LOC128125817: variants seen among roughly 807,000 people sequenced by gnomAD.
At chr1:41,593,241 C>T in the LOC128125817 span, among the ~76,000 whole-genome samples, 1 of 152,226 alleles carries the variant, frequency 6.6e-6, no homozygotes, top group African/African-American at 2.4e-5. Context: ...CATGCCCCTC[C>T]CCAGAGAAGC....
At chr1:41,608,917 C>CAAAA in the LOC128125817 span, among the ~76,000 whole-genome samples, 12,457 of 123,232 alleles carry the variant, frequency 0.1, 937 homozygotes, top group East Asian at 0.39. Context: ...CTAAAAATAC[C>CAAAA]AAAAAAAAAA....
chr1:41,608,050 G>A, the LOC128125817 span, among the ~76,000 whole-genome samples: 2 of 152,212 alleles, frequency 1.3e-5, no homozygotes, highest in Admixed American at 6.5e-5. Flanking sequence ...CTGAGTGGCT[G>A]TGTGCCCTGC....
the LOC128125817 span, among the ~76,000 whole-genome samples, chr1:41,612,077 C>T: frequency 6.6e-6 from 1 of 152,066 alleles, no homozygotes; most frequent in Non-Finnish European, 1.5e-5. Context: ...GCCTCCCCAC[C>T]TTCCTCCTCC....
the LOC128125817 span, among the ~76,000 whole-genome samples, chr1:41,608,528 T>C: frequency 1.3e-5 from 2 of 152,198 alleles, no homozygotes; most frequent in African/African-American, 2.4e-5. Flanking sequence ...TCTGAAGGGC[T>C]CTCAGGGGAG....
chr1:41,607,649 C>T, the LOC128125817 span, among the ~76,000 whole-genome samples: 1 of 151,234 alleles, frequency 6.6e-6, no homozygotes, highest in Non-Finnish European at 1.5e-5. Context: ...TGGTTTGCTT[C>T]CAATGTTTGG....
chr1:41,592,073 T>A, the LOC128125817 span, among the ~76,000 whole-genome samples: 1 of 152,140 alleles, frequency 6.6e-6, no homozygotes, highest in Non-Finnish European at 1.5e-5. Flanking sequence ...GCACACCTGG[T>A]GAGAGCCAGG....
At chr1:41,608,663 T>C in the LOC128125817 span, among the ~76,000 whole-genome samples, 3 of 152,246 alleles carry the variant, frequency 2.0e-5, no homozygotes, top group Non-Finnish European at 1.5e-5. Flanking sequence ...CTGCTCTGAT[T>C]GCTCTGTCTG....
the LOC128125817 span, among the ~76,000 whole-genome samples, chr1:41,603,015 G>T: frequency 6.6e-6 from 1 of 151,610 alleles, no homozygotes; most frequent in Non-Finnish European, 1.5e-5. Context: ...ACATATTTTT[G>T]AATTTTCAAT....
chr1:41,614,954 C>G, the LOC128125817 span, among the ~76,000 whole-genome samples: 1 of 152,208 alleles, frequency 6.6e-6, no homozygotes, highest in East Asian at 1.9e-4. Context: ...ACTTCCGGGG[C>G]TCTGACATCC....
At chr1:41,603,354 C>T in the LOC128125817 span, among the ~76,000 whole-genome samples, 1 of 151,806 alleles carries the variant, frequency 6.6e-6, no homozygotes, top group East Asian at 1.9e-4. Flanking sequence ...AGTCGTGAGC[C>T]ACCGTGCCTG....
the LOC128125817 span, among the ~76,000 whole-genome samples, chr1:41,587,742 G>A: frequency 5.3e-5 from 8 of 152,142 alleles, 1 homozygote; most frequent in African/African-American, 1.9e-4. Context: ...GATTTTCCCT[G>A]AAAATCACAC....
the LOC128125817 span, among the ~76,000 whole-genome samples, chr1:41,597,839 A>G: frequency 6.6e-6 from 1 of 152,206 alleles, no homozygotes; most frequent in Non-Finnish European, 1.5e-5. Flanking sequence ...TTGAGACCAA[A>G]AATGAACTGA....
At chr1:41,597,577 C>A in the LOC128125817 span, among the ~76,000 whole-genome samples, 1 of 152,128 alleles carries the variant, frequency 6.6e-6, no homozygotes, top group Admixed American at 6.5e-5. Context: ...GGCCCAAAAT[C>A]ACAAAACTGA....
At chr1:41,613,668 G>A in the LOC128125817 span, among the ~76,000 whole-genome samples, 1 of 152,172 alleles carries the variant, frequency 6.6e-6, no homozygotes, top group African/African-American at 2.4e-5. Context: ...TTTAAATGCT[G>A]TCTAGTCATT....
the LOC128125817 span, among the ~76,000 whole-genome samples, chr1:41,596,262 C>T: frequency 6.6e-6 from 1 of 152,220 alleles, no homozygotes; most frequent in African/African-American, 2.4e-5. Context: ...AACTGGGTCC[C>T]CATGGGGTGG....
the LOC128125817 span, among the ~76,000 whole-genome samples, chr1:41,600,327 GATGAATGA>G: frequency 2.6e-5 from 4 of 152,214 alleles, no homozygotes; most frequent in Admixed American, 2.6e-4. Flanking sequence ...AATGTCCATT[GATGAATGA>G]ATGGATAAAA....
the LOC128125817 span, among the ~76,000 whole-genome samples, chr1:41,613,375 T>A: frequency 2.0e-5 from 3 of 152,040 alleles, no homozygotes; most frequent in Non-Finnish European, 4.4e-5. Context: ...ATTCCCTCAC[T>A]GTACTAATCT....
chr1:41,622,187 G>A, the LOC128125817 span, among the ~76,000 whole-genome samples: 1 of 152,220 alleles, frequency 6.6e-6, no homozygotes, highest in Non-Finnish European at 1.5e-5. Context: ...TCCCTGCCTA[G>A]AGGGGAGCCC....
chr1:41,592,413 A>G, the LOC128125817 span, among the ~76,000 whole-genome samples: 1 of 152,240 alleles, frequency 6.6e-6, no homozygotes, highest in East Asian at 1.9e-4. Context: ...AGTGTGGCCA[A>G]CTGAAAAATA....
Sources: gnomAD v4.1 joint callset for allele counts (sites outside exome capture counted in the v4.1 genomes callset) on GRCh38, gnomAD v4.1.1 for gene constraint, MANE v1.5 for transcripts.